The following CALN1 variants were observed in gnomAD, a reference collection of about 807,000 sequenced individuals.
CALN1 encodes calneuron 1.
In CALN1, 17 loss-of-function variants were observed where a neutral mutation model predicts 30.6. That is an observed-to-expected ratio of 0.56 (90% CI 0.38 to 0.83). The LOEUF (loss-of-function observed/expected upper bound fraction) is 0.83. Among genes scored for constraint, CALN1 ranks in the 40% least tolerant of loss-of-function variants. The pLI is 0.00. For synonymous variants in CALN1, 156 were observed against 131.4 expected (o/e 1.19, Z -1.28); for missense variants, 291 against 354.9 (o/e 0.82, Z 1.45).
intron 5 of CALN1, among the ~76,000 whole-genome samples, chr7:71,893,050 C>A (rs1793334763): frequency 1.3e-5 from 2 of 152,074 alleles, no homozygotes; most frequent in South Asian, 4.1e-4. Context: ...TAACTCCTTT[C>A]TTTCATTTTC....
At chr7:72,011,823 T>A (rs1356657473) in intron 5 of CALN1, among the ~76,000 whole-genome samples, 2 of 152,142 alleles carry the variant, frequency 1.3e-5, no homozygotes, top group East Asian at 3.9e-4. Flanking sequence ...TTTTAGGTTT[T>A]TTTTGTAGAG....
At chr7:71,951,944 T>C (rs1166338252) in intron 5 of CALN1, among the ~76,000 whole-genome samples, 1 of 152,114 alleles carries the variant, frequency 6.6e-6, no homozygotes, top group African/African-American at 2.4e-5. Flanking sequence ...CTTTTTTTTT[T>C]TCCATTCCCC....
At chr7:72,235,487 G>A (rs746843904) in intron 3 of CALN1, among the ~76,000 whole-genome samples, 8 of 152,062 alleles carry the variant, frequency 5.3e-5, no homozygotes, top group Admixed American at 3.3e-4. Context: ...ATCATTTAAC[G>A]CTAGCACAGA....
chr7:71,969,030 C>T lies in CALN1; in HGVS notation c.501+54627G>A, dbSNP rs115274123. Among the ~76,000 whole-genome samples, 304 of 150,764 alleles carry T rather than the reference C, an allele frequency of 2.0e-3. 2 individuals carry two copies. The highest frequency in any genetic ancestry group is 6.9e-3 in the African/African-American group (282 of 41,040). On this transcript the variant is annotated intron_variant, in intron 5 of 6. Transcript: ENST00000395275. ...TACCACTACATTCCAGTCTCGGTGA[C>T]AGAGTGAGCCTCTATCTCAAAAGAA...
chr7:72,451,238 G>GAAGAAGAA (rs1328509119), upstream of CALN1, among the ~76,000 whole-genome samples: 3 of 126,122 alleles, frequency 2.4e-5, no homozygotes, highest in African/African-American at 1.1e-4. Flanking sequence ...AGGAGGAGAA[G>GAAGAAGAA]GAGGAAGAGG....
Position 72,385,263 on chromosome 7 carries a change from T to A in CALN1, c.119+17988A>T, listed in dbSNP as rs1441875422. Among the ~76,000 whole-genome samples, 8 of 152,196 alleles carry A rather than the reference T, an allele frequency of 5.3e-5. No homozygotes were observed. In the East Asian group the frequency reaches 1.5e-3, roughly 29 times the overall value. On this transcript the variant is annotated intron_variant, in intron 2 of 6. Transcript: ENST00000395275. ...AGTTTCTTACAAGGCTAAACGTTAA[T>A]CTTATCACATGATTCAGCAAACAGG...
chr7:71,891,666 G>A lies in CALN1; in HGVS notation c.502-81174C>T, dbSNP rs1052726072. On this transcript the variant is annotated intron_variant, in intron 5 of 6. Transcript: ENST00000395275. ...TAGCATATAACAAGTGCTATATGCC[G>A]GGCATGATGGCTCACGCCTGTAATC... Among the ~76,000 whole-genome samples, 10 of 152,238 alleles carry A rather than the reference G, an allele frequency of 6.6e-5. 1 individual carries two copies. The highest frequency in any genetic ancestry group is 5.8e-4 in the East Asian group (3 of 5,166).
intron 3 of CALN1, among the ~76,000 whole-genome samples, chr7:72,247,436 A>G (rs755908848): frequency 2.2e-4 from 33 of 150,814 alleles, no homozygotes; most frequent in Non-Finnish European, 3.2e-4. Context: ...TTTAGTAGAG[A>G]CGGGTTTCAC....
chr7:72,496,255 T>A, the CALN1 span, among the ~76,000 whole-genome samples: 4 of 152,182 alleles, frequency 2.6e-5, no homozygotes, highest in Non-Finnish European at 5.9e-5. Context: ...CCTTTTTGCT[T>A]ATTTTTACAC....
intron 3 of CALN1, among the ~76,000 whole-genome samples, chr7:72,206,456 T>C (rs902136121): frequency 6.6e-6 from 1 of 152,182 alleles, no homozygotes; most frequent in Non-Finnish European, 1.5e-5. Context: ...TCTAATACTA[T>C]ATGTGACTTG....
intron 3 of CALN1, among the ~76,000 whole-genome samples, chr7:72,221,888 C>CA (rs35067592): frequency 0.52 from 77,376 of 148,296 alleles, 20,101 homozygotes; most frequent in South Asian, 0.64. Flanking sequence ...GACTCCATCT[C>CA]AAAAAAAAAA....
At chr7:72,094,498 C>G (rs1806084909) in intron 4 of CALN1, among the ~76,000 whole-genome samples, 1 of 152,182 alleles carries the variant, frequency 6.6e-6, no homozygotes, top group African/African-American at 2.4e-5. Flanking sequence ...AGGTGATCTG[C>G]CTGCCTCAGC....
At chr7:72,344,877 T>C (rs1325698798) in intron 2 of CALN1, among the ~76,000 whole-genome samples, 2 of 147,540 alleles carry the variant, frequency 1.4e-5, no homozygotes, top group Admixed American at 6.8e-5. Context: ...AACACATAAA[T>C]ATATAAATAG....
intron 5 of CALN1, among the ~76,000 whole-genome samples, chr7:72,017,828 T>C (rs1043829033): frequency 2.6e-5 from 4 of 152,106 alleles, no homozygotes; most frequent in Admixed American, 1.3e-4. Flanking sequence ...CTACATGAGA[T>C]GTTTTCGGCG....
At chr7:72,205,554 ATAT>A in intron 3 of CALN1, among the ~76,000 whole-genome samples, 3 of 58,366 alleles carry the variant, frequency 5.1e-5, no homozygotes, top group African/African-American at 3.5e-4. Context: ...AAAAAAAAAT[ATAT>A]ATATATATAT....
intron 2 of CALN1, among the ~76,000 whole-genome samples, chr7:72,393,797 T>TGC: frequency 6.7e-6 from 1 of 149,902 alleles, no homozygotes. Context: ...TCACCCAGGC[T>TGC]GCTGCACAGT....
intron 3 of CALN1, among the ~76,000 whole-genome samples, chr7:72,210,282 A>G (rs1792299681): frequency 6.6e-6 from 1 of 151,964 alleles, no homozygotes; most frequent in East Asian, 1.9e-4. Flanking sequence ...AAGCTTCTCT[A>G]TGGTGTACTC....
intron 5 of CALN1, among the ~76,000 whole-genome samples, chr7:71,918,698 A>G (rs6957982): frequency 0.068 from 10,345 of 152,200 alleles, 1,151 homozygotes; most frequent in African/African-American, 0.23. Flanking sequence ...AGGTCAACCT[A>G]AAGCAGCCTA....
At chr7:71,907,239 AAC>A (rs71531773) in intron 5 of CALN1, among the ~76,000 whole-genome samples, 298 of 147,306 alleles carry the variant, frequency 2.0e-3, no homozygotes, top group Middle Eastern at 3.4e-3. Flanking sequence ...ATGAGGTTTA[AAC>A]ACACACACAC....
Sources: gnomAD v4.1 joint callset for allele counts (sites outside exome capture counted in the v4.1 genomes callset) on GRCh38, gnomAD v4.1.1 for gene constraint, MANE v1.5 for transcripts, NCBI Gene and HGNC (gene_info 2026-07-23, HGNC 2026-07-21) for gene names.